TRPS1: variants seen among roughly 807,000 people sequenced by gnomAD.
TRPS1 encodes zinc finger transcription factor Trps1.
In TRPS1, 6 loss-of-function variants were observed where a neutral mutation model predicts 101.2. That is an observed-to-expected ratio of 0.06 (90% CI 0.03 to 0.12). TRPS1 has a LOEUF of 0.12. Among genes scored for constraint, TRPS1 ranks in the 10% least tolerant of loss-of-function variants. TRPS1 has a pLI of 1.00. For missense variants in TRPS1, 1,363 were observed against 1,567.0 expected, an observed-to-expected ratio of 0.87 and a Z score of 2.20; for synonymous variants, 578 against 589.8, an observed-to-expected ratio of 0.98 and a Z score of 0.29.
chr8:115,481,175 G>C (rs1341649120), intron 5 of TRPS1, among the ~76,000 whole-genome samples: 1 of 151,854 alleles, frequency 6.6e-6, no homozygotes, highest in African/African-American at 2.4e-5. Flanking sequence ...GATTTGACTT[G>C]TTTGCCCGTT....
At chr8:115,499,174 G>A (rs1815240406) in intron 5 of TRPS1, among the ~76,000 whole-genome samples, 1 of 152,108 alleles carries the variant, frequency 6.6e-6, no homozygotes, top group Non-Finnish European at 1.5e-5. Flanking sequence ...GGTTCAGAGG[G>A]CATAGACGTC....
intron 5 of TRPS1, among the ~76,000 whole-genome samples, chr8:115,478,184 C>G (rs1376324287): frequency 6.6e-6 from 1 of 152,172 alleles, no homozygotes; most frequent in East Asian, 1.9e-4. Flanking sequence ...ACTCACTAGC[C>G]TACACCTATG....
intron 5 of TRPS1, among the ~76,000 whole-genome samples, chr8:115,463,697 T>G (rs2129984372): frequency 6.6e-6 from 1 of 152,242 alleles, no homozygotes; most frequent in Admixed American, 6.5e-5. Context: ...TTCAACAATT[T>G]TTAATTTTAA....
intron 5 of TRPS1, among the ~76,000 whole-genome samples, chr8:115,578,911 T>C (rs1020269798): frequency 6.6e-6 from 1 of 152,088 alleles, no homozygotes; most frequent in African/African-American, 2.4e-5. Context: ...TCTGAAACTG[T>C]AGAAAGTCAC....
At chr8:115,448,132 A>G (rs925945562) in intron 5 of TRPS1, among the ~76,000 whole-genome samples, 1 of 152,132 alleles carries the variant, frequency 6.6e-6, no homozygotes, top group Non-Finnish European at 1.5e-5. Flanking sequence ...CAACAACAAC[A>G]CTTGTGAGTA....
intron 5 of TRPS1, among the ~76,000 whole-genome samples, chr8:115,535,629 A>C (rs1816298997): frequency 1.3e-5 from 2 of 150,720 alleles, no homozygotes; most frequent in African/African-American, 4.9e-5. Context: ...TGGGAGGCCG[A>C]GGTGGGCAGA....
rs546842100 is a variant in TRPS1 at position 115,580,841 on chromosome 8, C to T, written c.2700+6160G>A. ...GCCACTATGGAGAACAGTATGGAGGCTCCTCAAAAAAACCGCAAACAGAGC... is the reference window on the plus strand; with the variant it reads ...GCCACTATGGAGAACAGTATGGAGGTTCCTCAAAAAAACCGCAAACAGAGC... On this transcript the variant is annotated intron_variant, in intron 5 of 6. Transcript: ENST00000395715. 3.9e-5 allele frequency among the ~76,000 whole-genome samples: 6 copies of T among 152,022 alleles called. No individual in the cohort carries two copies. The East Asian group carries it at 1.2e-3, about 30-fold the overall frequency.
intron 2 of TRPS1, among the ~76,000 whole-genome samples, chr8:115,621,748 T>C (rs952428030): frequency 1.3e-5 from 2 of 151,664 alleles, no homozygotes; most frequent in Non-Finnish European, 2.9e-5. Flanking sequence ...ATTCCATCTC[T>C]ACAAAAAAAA....
chr8:115,477,321 G>A (rs558304667), intron 5 of TRPS1, among the ~76,000 whole-genome samples: 239 of 152,296 alleles, frequency 1.6e-3, no homozygotes, highest in African/African-American at 4.7e-3. Flanking sequence ...TTATAGGTGT[G>A]CCAGTAGTAC....
intron 5 of TRPS1, among the ~76,000 whole-genome samples, chr8:115,437,074 C>T (rs191675530): frequency 2.6e-5 from 4 of 152,142 alleles, no homozygotes; most frequent in Non-Finnish European, 5.9e-5. Context: ...TCCATCCGTG[C>T]CATCTAGTAT....
intron 5 of TRPS1, among the ~76,000 whole-genome samples, chr8:115,483,740 C>T (rs534745009): frequency 6.6e-6 from 1 of 152,218 alleles, no homozygotes; most frequent in South Asian, 2.1e-4. Flanking sequence ...TGAAAAGGTG[C>T]TATCTCCATC....
At chr8:115,456,876 T>C (rs1221750940) in intron 5 of TRPS1, among the ~76,000 whole-genome samples, 3 of 152,066 alleles carry the variant, frequency 2.0e-5, no homozygotes, top group Non-Finnish European at 2.9e-5. Context: ...ATCCTAATTA[T>C]AAAATATATA....
intron 1 of TRPS1, among the ~76,000 whole-genome samples, chr8:115,664,883 G>C (rs1811886384): frequency 6.6e-6 from 1 of 152,148 alleles, no homozygotes; most frequent in African/African-American, 2.4e-5. Context: ...TCAGCCTGTT[G>C]AATGAATGGC....
At chr8:115,667,951 C>A in intron 1 of TRPS1, 1 of 1,528,304 alleles carries the variant, frequency 6.5e-7, no homozygotes, top group East Asian at 2.5e-5. Flanking sequence ...GCGGCGGCGG[C>A]GGCCCCTCGG....
chr8:115,417,295 T>A (rs944488862), intron 6 of TRPS1, among the ~76,000 whole-genome samples: 1 of 152,180 alleles, frequency 6.6e-6, no homozygotes, highest in Admixed American at 6.5e-5. Flanking sequence ...TACATGCTAA[T>A]AACTAAGGTT....
intron 1 of TRPS1, among the ~76,000 whole-genome samples, chr8:115,667,668 T>C (rs1349354735): frequency 6.6e-6 from 1 of 152,234 alleles, no homozygotes; most frequent in African/African-American, 2.4e-5. Flanking sequence ...CAAGCTGTCC[T>C]GAGCCGCTCT....
chr8:115,618,089 T>C (rs998352949), intron 3 of TRPS1, among the ~76,000 whole-genome samples: 1 of 152,180 alleles, frequency 6.6e-6, no homozygotes, highest in East Asian at 1.9e-4. Flanking sequence ...CTGAGACAAA[T>C]GAGCTGTAGC....
intron 5 of TRPS1, among the ~76,000 whole-genome samples, chr8:115,483,995 G>A (rs1814819393): frequency 6.6e-6 from 1 of 152,064 alleles, no homozygotes; most frequent in African/African-American, 2.4e-5. Context: ...ACTCATAGTG[G>A]CTTTGTAAAA....
rs752741363 is a variant in TRPS1, at chr8:115,414,950, C to T, written c.2958G>A (p.Glu986=). The change falls in exon 7 of 7, where the codon GAG becomes GAA. Residue 986 remains glutamate (E), a synonymous_variant. Coordinates refer to ENST00000395715, the MANE Select transcript of TRPS1 (RefSeq NM_014112.5). This position sits in a 1 kb window ranked among gnomAD's most constrained non-coding sequence, Gnocchi z 4.8. The part of the protein sequence containing the change: ...LNKQQRGSNE[E]QVNGSPLERR... ...TCTCTAACGGGCTTCCATTGACTTG[C>T]TCCTCATTGCTGCCCCTCTGCTGTT... The T allele has an allele frequency of 1.4e-5, 23 of 1,591,398 alleles. No individual in the cohort carries two copies. The East Asian group carries it at 2.2e-4, about 15-fold the overall frequency.
Sources: allele counts gnomAD v4.1 joint callset (sites outside exome capture counted in the v4.1 genomes callset), GRCh38; gene constraint gnomAD v4.1.1; non-coding constraint Gnocchi (gnomAD v3.1); transcripts MANE v1.5; gene names NCBI Gene and HGNC (gene_info 2026-07-23, HGNC 2026-07-21).